The following TBATA variants were observed in gnomAD, a reference collection of about 807,000 sequenced individuals.
TBATA encodes the protein thymus, brain and testes associated, also known as protein TBATA.
A neutral mutation model predicts 38.7 loss-of-function variants in TBATA; 47 were observed. That is an observed-to-expected ratio of 1.21 (90% CI 0.96 to 1.55). The LOEUF (loss-of-function observed/expected upper bound fraction) is 1.55. Ranked by LOEUF, TBATA falls within the 40% of genes most tolerant of loss-of-function variation. The pLI, the probability that TBATA is intolerant of heterozygous loss-of-function variation, is 0.00. For synonymous variants in TBATA, 183 were observed against 170.5 expected (o/e 1.07, Z -0.57); for missense variants, 436 against 435.6 (o/e 1.00, Z -0.01).
chr10:70,774,152 C>T, intron 9 of TBATA, 61 bp downstream of exon 9: 3 of 1,593,370 alleles, frequency 1.9e-6, no homozygotes, highest in Non-Finnish European at 2.6e-6. Context: ...CTCCAGGTCC[C>T]ACTGGCCTCA....
chr10:70,783,272 C>G (rs57085366), intron 3 of TBATA, 67 bp downstream of exon 3: 2 of 1,586,252 alleles, frequency 1.3e-6, no homozygotes, highest in African/African-American at 2.7e-5. Context: ...CCAAGGCCAC[C>G]TTTGTCTTCT....
At chr10:70,784,188 A>C (rs1477329421) in intron 2 of TBATA, among the ~76,000 whole-genome samples, 1 of 152,194 alleles carries the variant, frequency 6.6e-6, no homozygotes, top group Non-Finnish European at 1.5e-5. Context: ...AGCATCAAAC[A>C]AGGAAATGCT....
chr10:70,774,178 G>A, intron 9 of TBATA, 35 bp downstream of exon 9: 2 of 1,607,168 alleles, frequency 1.2e-6, no homozygotes, highest in South Asian at 2.2e-5. Flanking sequence ...GAGGACAGAA[G>A]GCTGCAGAAG....
chr10:70,777,419 C>A (rs1843559755), intron 6 of TBATA, 81 bp from the exon 7 acceptor site: 1 of 1,352,408 alleles, frequency 7.4e-7, no homozygotes, highest in South Asian at 1.3e-5. Flanking sequence ...GAGCAGGAGG[C>A]CGGGTCACAA....
Position 70,778,548 on chromosome 10 carries a change from C to T in TBATA, c.507+9G>A, listed in dbSNP as rs757965506. On this transcript the variant is annotated intron_variant, in intron 6 of 10. Transcript: ENST00000456372. ...TCTTCCCAGACTAGCTCCTGTGTTC[C>T]GCACCCACCTCTTTCTTCTTCAGTT... 14 of 1,613,590 alleles carry T rather than the reference C, an allele frequency of 8.7e-6. No individual in the cohort carries two copies. Among genetic ancestry groups the T allele is most frequent in the Admixed American group, 8.3e-5 (5 of 60,020 alleles).
intron 7 of TBATA, among the ~76,000 whole-genome samples, chr10:70,776,867 C>G (rs1174478648): frequency 6.6e-6 from 1 of 152,196 alleles, no homozygotes; most frequent in African/African-American, 2.4e-5. Context: ...CAGCTCCCTT[C>G]ACTAACTCAG....
At chr10:70,779,384 G>T (rs1242618654) in intron 5 of TBATA, among the ~76,000 whole-genome samples, 3 of 152,202 alleles carry the variant, frequency 2.0e-5, no homozygotes, top group Non-Finnish European at 2.9e-5. Context: ...CCAAGCAGGG[G>T]TGCATTTCTG....
chr10:70,779,313 T>C (rs1426783102), intron 5 of TBATA, among the ~76,000 whole-genome samples: 2 of 152,254 alleles, frequency 1.3e-5, no homozygotes, highest in African/African-American at 4.8e-5. Context: ...GCCAGTCACA[T>C]GACTGCAGGC....
rs771950152 is a variant in TBATA at position 70,777,230 on chromosome 10, G to A, written c.616C>T (p.His206Tyr). 9.3e-6 allele frequency: 15 copies of A among 1,613,614 alleles called. No individual in the cohort carries two copies. In the South Asian group the frequency reaches 1.6e-4, roughly 18 times the overall value. ...STRAVGRRRSHQGQQSQSSSR... is the reference protein window; with the variant it reads ...STRAVGRRRSYQGQQSQSSSR... Reference sequence around the variant, plus strand: ...GAAGACTGACTCTGCTGGCCCTGGTGAGATCTGCGGCGGCCGACAGCCCGG... The same window carrying A: ...GAAGACTGACTCTGCTGGCCCTGGTAAGATCTGCGGCGGCCGACAGCCCGG... Residue 206 changes from histidine to tyrosine, a missense_variant, in exon 7 of 11, where the codon CAC becomes TAC. By Grantham distance (83) the His-to-Tyr change is moderately conservative. Coordinates refer to ENST00000456372, the MANE Select transcript of TBATA (RefSeq NM_001318241.2).
chr10:70,782,298 CCA>C, intron 3 of TBATA: 1 of 1,484,948 alleles, frequency 6.7e-7, no homozygotes, highest in Middle Eastern at 1.7e-4. Flanking sequence ...TCCCAGCACC[CCA>C]GTTTTTTCCC....
rs370515186 is a variant in TBATA, at chr10:70,779,573, G to A, written c.427+20C>T. 2 of 1,465,184 alleles carry A rather than the reference G, an allele frequency of 1.4e-6. No homozygotes were observed. The highest frequency in any genetic ancestry group is 1.8e-6 in the Non-Finnish European group (2 of 1,112,540). 90.8% of individuals were successfully genotyped at this position (1,465,184 alleles called of 1,614,324 possible). A position where few individuals can be genotyped will look rare whatever the true frequency, so the allele number is the denominator to read the frequency against. On this transcript the variant is annotated intron_variant, in intron 5 of 10. Coordinates refer to ENST00000456372, the MANE Select transcript of TBATA (RefSeq NM_001318241.2). The stretch of plus-strand genomic sequence containing the variant: ...AGGCATGAGCCCCAGGGTAGAGGGA[G>A]GCATGGCCCAAGTACCCACCAGAAG...
chr10:70,775,171 G>A lies in TBATA; in HGVS notation c.775+18C>T. ...TGGCAGCCTCCACTGAGACAGTGCT[G>A]CGGGGCTGTGTCCTCACCCTTGGGC... On this transcript the variant is annotated intron_variant, in intron 8 of 10. Transcript: ENST00000456372. 1 of 1,607,620 alleles carries A rather than the reference G, an allele frequency of 6.2e-7. No homozygotes were observed. Among genetic ancestry groups the A allele is most frequent in the Non-Finnish European group, 8.5e-7 (1 of 1,174,442 alleles).
At position 70,781,913 on chromosome 10, in the gene TBATA, T is replaced by C; in HGVS notation, c.165A>G (p.Ala55=). The C allele has an allele frequency of 6.2e-7, 1 of 1,614,222 alleles. No individual in the cohort carries two copies. Among genetic ancestry groups the C allele is most frequent in the Non-Finnish European group, 8.5e-7 (1 of 1,180,036 alleles). The stretch of plus-strand genomic sequence containing the variant: ...GGGTTTGGGGCTTTGGGGTCCTCAA[T>C]GCCCGGCGGATCCGCTCGAAATCCA... ...GIVDFERIRR[A]LRTPKPQTPG... Residue 55 remains alanine (A), a synonymous_variant, in exon 4 of 11, where the codon GCA becomes GCG. Coordinates refer to ENST00000456372, the MANE Select transcript of TBATA (RefSeq NM_001318241.2).
At chr10:70,772,988 G>A (rs1188826642) in intron 9 of TBATA, among the ~76,000 whole-genome samples, 4 of 152,184 alleles carry the variant, frequency 2.6e-5, no homozygotes, top group African/African-American at 7.2e-5. Context: ...ATGCTCTTCC[G>A]TCTTGCATTG....
chr10:70,785,065 G>T (rs1278654764), intron 1 of TBATA, among the ~76,000 whole-genome samples: 1 of 152,204 alleles, frequency 6.6e-6, no homozygotes, highest in Non-Finnish European at 1.5e-5. Context: ...GGCTGACAGG[G>T]ACTCTAGTAG....
At chr10:70,771,885 C>T (rs1297529411) in intron 10 of TBATA, among the ~76,000 whole-genome samples, 3 of 152,134 alleles carry the variant, frequency 2.0e-5, no homozygotes, top group Non-Finnish European at 1.5e-5. Context: ...CCCCATAGTC[C>T]GTGCTGCACA....
At chr10:70,783,104 G>T (rs1236241761) in intron 3 of TBATA, among the ~76,000 whole-genome samples, 2 of 152,238 alleles carry the variant, frequency 1.3e-5, no homozygotes, top group African/African-American at 4.8e-5. Flanking sequence ...TTTGCTCAGT[G>T]CTTCTGGCAC....
chr10:70,784,238 C>T (rs554009681), intron 2 of TBATA, among the ~76,000 whole-genome samples: 7 of 152,092 alleles, frequency 4.6e-5, no homozygotes, highest in South Asian at 2.1e-4. Flanking sequence ...CGAGGGAAGG[C>T]GGGGAGGGGA....
At chr10:70,781,752 C>G in intron 4 of TBATA, 49 bp downstream of exon 4, 1 of 1,535,836 alleles carries the variant, frequency 6.5e-7, no homozygotes. Flanking sequence ...GTTCTCAAGA[C>G]CAATTAGTGA....
Sources: gnomAD v4.1 joint callset for allele counts (sites outside exome capture counted in the v4.1 genomes callset) on GRCh38, gnomAD v4.1.1 for gene constraint, MANE v1.5 for transcripts, NCBI Gene and HGNC (gene_info 2026-07-23, HGNC 2026-07-21) for gene names.